DLC1: variants seen among roughly 807,000 people sequenced by gnomAD.
DLC1 encodes the protein rho GTPase-activating protein 7.
A neutral mutation model predicts 140.3 loss-of-function variants in DLC1; 54 were observed. That is an observed-to-expected ratio of 0.38 (90% CI 0.31 to 0.48). The LOEUF is 0.48. DLC1 is among the 20% of genes least tolerant of loss of function. The pLI is 0.96. For synonymous variants in DLC1, 986 were observed against 728.1 expected (o/e 1.35, Z -5.70); for missense variants, 2,536 against 1,907.0 (o/e 1.33, Z -6.14).
rs569699577 is a variant in DLC1 at position 13,359,266 on chromosome 8, TCTCTC to T, written c.1314+34282_1314+34286del. Reference sequence around the variant, plus strand: ...AAACTTTTTTTTCTAAGCAGTGTTCTCTCTCCTCTCTCACAAAACCTGCCTCATAA... The same window carrying T: ...AAACTTTTTTTTCTAAGCAGTGTTCTCTCTCTCACAAAACCTGCCTCATAA... On this transcript the variant is annotated intron_variant, in intron 4 of 17. Coordinates refer to ENST00000276297, the MANE Select transcript of DLC1 (RefSeq NM_182643.3). Among the ~76,000 whole-genome samples the T allele has an allele frequency of 7.9e-4, 120 of 152,262 alleles. No homozygotes were observed. In the South Asian group the frequency reaches 0.024, roughly 30 times the overall value.
At chr8:13,417,695 G>A (rs979962027) in intron 2 of DLC1, among the ~76,000 whole-genome samples, 9 of 152,158 alleles carry the variant, frequency 5.9e-5, no homozygotes, top group African/African-American at 2.2e-4. Context: ...CTTTATAGCA[G>A]CATGATTTCT....
At chr8:13,444,314 G>C (rs950127627) in intron 2 of DLC1, among the ~76,000 whole-genome samples, 4 of 152,132 alleles carry the variant, frequency 2.6e-5, no homozygotes, top group East Asian at 3.9e-4. Context: ...GTGCGGGTTG[G>C]GGGAGGGATA....
chr8:13,201,180 C>A (rs1305511273), intron 5 of DLC1, among the ~76,000 whole-genome samples: 3 of 150,948 alleles, frequency 2.0e-5, no homozygotes, highest in African/African-American at 4.9e-5. Context: ...TTGTTTGGGA[C>A]TGGATCCAAG....
intron 2 of DLC1, among the ~76,000 whole-genome samples, chr8:13,413,075 C>G (rs1410242565): frequency 2.6e-5 from 4 of 151,940 alleles, no homozygotes; most frequent in African/African-American, 9.7e-5. Context: ...CATAACCTGC[C>G]CAACAGTACT....
intron 1 of DLC1, among the ~76,000 whole-genome samples, chr8:13,526,545 T>A (rs1802926271): frequency 6.6e-6 from 1 of 152,204 alleles, no homozygotes; most frequent in Non-Finnish European, 1.5e-5. Context: ...TAGTACTTTA[T>A]ATTTTGAAGA....
intron 1 of DLC1, among the ~76,000 whole-genome samples, chr8:13,542,945 G>A (rs571855249): frequency 2.0e-5 from 3 of 151,940 alleles, no homozygotes; most frequent in Non-Finnish European, 4.4e-5. Flanking sequence ...TTTGGCAAAT[G>A]TTTTTCTGCA....
intron 4 of DLC1, among the ~76,000 whole-genome samples, chr8:13,385,715 C>T (rs1243293561): frequency 1.3e-5 from 2 of 152,058 alleles, no homozygotes; most frequent in Admixed American, 6.6e-5. Context: ...ATTGATTCAG[C>T]TCAAAACTAT....
intron 4 of DLC1, among the ~76,000 whole-genome samples, chr8:13,325,496 T>C (rs1632241): frequency 0.94 from 143,325 of 152,058 alleles, 67,876 homozygotes; most frequent in East Asian, 1. Flanking sequence ...TCTCACAGAG[T>C]CATGTATGCT....
At chr8:13,389,141 T>A (rs563261181) in intron 4 of DLC1, among the ~76,000 whole-genome samples, 42 of 152,234 alleles carry the variant, frequency 2.8e-4, no homozygotes, top group South Asian at 6.2e-4. Flanking sequence ...AGGAAATTTT[T>A]CTTGTTTTCT....
chr8:13,425,201 A>C (rs981965118), intron 2 of DLC1, among the ~76,000 whole-genome samples: 25 of 152,174 alleles, frequency 1.6e-4, no homozygotes, highest in African/African-American at 3.6e-4. Context: ...TGTTTCCCAC[A>C]AACTCTTCGG....
chr8:13,233,467 GT>G (rs962487866), intron 5 of DLC1, among the ~76,000 whole-genome samples: 6 of 151,854 alleles, frequency 4.0e-5, no homozygotes, highest in African/African-American at 1.5e-4. Flanking sequence ...ATTTTAATAT[GT>G]TTTTTCCCCA....
chr8:13,181,604 G>GTGATAGTTTGCTGAGAA (rs1438416585), intron 5 of DLC1, among the ~76,000 whole-genome samples: 1 of 150,034 alleles, frequency 6.7e-6, no homozygotes, highest in Non-Finnish European at 1.5e-5. Context: ...TTCTGTCCTT[G>GTGATAGTTTGCTGAGAA]TGATAGTTTG....
chr8:13,317,838 C>CA (rs1216334102), intron 4 of DLC1, among the ~76,000 whole-genome samples: 10 of 152,090 alleles, frequency 6.6e-5, no homozygotes, highest in African/African-American at 2.4e-4. Context: ...GTCAAGAGTC[C>CA]AGTTATAGTC....
chr8:13,462,560 C>A (rs546406995), intron 2 of DLC1, among the ~76,000 whole-genome samples: 21 of 128,644 alleles, frequency 1.6e-4, no homozygotes, highest in African/African-American at 6.2e-4. Flanking sequence ...TCCGCCACCA[C>A]GCCCAGCTAT....
chr8:13,448,690 A>G (rs1242088598), intron 2 of DLC1, among the ~76,000 whole-genome samples: 3 of 152,162 alleles, frequency 2.0e-5, no homozygotes, highest in Non-Finnish European at 2.9e-5. Flanking sequence ...TAGTGTCTAC[A>G]TTATCCTTTT....
chr8:13,283,218 A>T (rs965978669), intron 5 of DLC1, among the ~76,000 whole-genome samples: 1 of 151,978 alleles, frequency 6.6e-6, no homozygotes. Flanking sequence ...AAAAGATTGC[A>T]GTGTCAACTA....
At position 13,100,230 on chromosome 8, in the gene DLC1, T is replaced by C; in HGVS notation, c.2107A>G (p.Met703Val). Residue 703 changes from methionine to valine, a missense_variant, in exon 9 of 18, where the codon ATG becomes GTG. Coordinates refer to ENST00000276297, the MANE Select transcript of DLC1 (RefSeq NM_182643.3). ...AGCTGCTTCAGCTTCTCCTCATCCA[T>C]CCCCTCTTGCAAGATGGGCCCGCTG... ...IISGPILQEG[M>V]DEEKLKQLNC... 1 of 1,614,138 alleles carries C rather than the reference T, an allele frequency of 6.2e-7. No homozygotes were observed. Among genetic ancestry groups the C allele is most frequent in the Non-Finnish European group, 8.5e-7 (1 of 1,180,030 alleles).
intron 2 of DLC1, among the ~76,000 whole-genome samples, chr8:13,434,186 G>A (rs1839010435): frequency 6.6e-6 from 1 of 152,078 alleles, no homozygotes; most frequent in Non-Finnish European, 1.5e-5. Flanking sequence ...CACAATCATG[G>A]TTTGTTGGCA....
At position 13,225,616 on chromosome 8, in the gene DLC1, AT is replaced by A. The variant is rs869199348; in HGVS notation, c.1348+79652del. 2.5e-3 allele frequency among the ~76,000 whole-genome samples: 346 copies of A among 139,560 alleles called. 2 individuals carry two copies. Among genetic ancestry groups the A allele is most frequent in the East Asian group, 4.4e-3 (21 of 4,820 alleles). 91.6% of individuals were successfully genotyped at this position (139,560 alleles called of 152,430 possible). A position where few individuals can be genotyped will look rare whatever the true frequency, so the allele number is the denominator to read the frequency against. ...TAATCGATTTCTTTTTATTTATTTAATTTTTTTTTTTTTTTTTGAGATGGAG... is the reference window on the plus strand; with the variant it reads ...TAATCGATTTCTTTTTATTTATTTAATTTTTTTTTTTTTTTTGAGATGGAG... On this transcript the variant is annotated intron_variant, in intron 5 of 17. Transcript: ENST00000276297.
Sources: gnomAD v4.1 joint callset for allele counts (sites outside exome capture counted in the v4.1 genomes callset) on GRCh38, gnomAD v4.1.1 for gene constraint, MANE v1.5 for transcripts, NCBI Gene and HGNC (gene_info 2026-07-23, HGNC 2026-07-21) for gene names.